Variants in RIPOR2 observed in about 807,000 individuals in gnomAD.
RIPOR2 encodes RHO family interacting cell polarization regulator 2.
A neutral mutation model predicts 114.5 loss-of-function variants in RIPOR2; 39 were observed. The ratio of observed to expected loss-of-function variants is 0.34; its 90% CI spans 0.26 to 0.44. The LOEUF is 0.44. Ranked by LOEUF, RIPOR2 falls within the 20% of genes least tolerant of loss-of-function variation. RIPOR2 has a pLI of 1.00. For synonymous variants in RIPOR2, 445 were observed against 484.4 expected (o/e 0.92, Z 1.07); for missense variants, 1,007 against 1,255.1 (o/e 0.80, Z 2.99).
At chr6:24,969,879 C>T (rs1467403402) in intron 1 of RIPOR2, among the ~76,000 whole-genome samples, 1 of 152,152 alleles carries the variant, frequency 6.6e-6, no homozygotes, top group East Asian at 1.9e-4. Context: ...CCAGATGCCG[C>T]CTCCTAAAGA....
chr6:25,017,159 G>A lies in RIPOR2; in HGVS notation c.76+24692C>T, dbSNP rs968695439. Among the ~76,000 whole-genome samples, 3 of 152,178 alleles carry A rather than the reference G, an allele frequency of 2.0e-5. No individual in the cohort carries two copies. In the South Asian group the frequency reaches 6.2e-4, roughly 32 times the overall value. On this transcript the variant is annotated intron_variant, in intron 1 of 13. Coordinates refer to the RIPOR2 transcript ENST00000510784. ...GTTCAAGACCAGCCTGGCCAACATG[G>A]TGAAACCCCATCTCTACTAAAAATA...
chr6:24,994,888 A>G (rs1032871580), intron 1 of RIPOR2, among the ~76,000 whole-genome samples: 28 of 152,304 alleles, frequency 1.8e-4, no homozygotes, highest in African/African-American at 6.7e-4. Context: ...TCTTGGATGT[A>G]TTGATTCACA....
At chr6:25,024,548 C>T in intron 1 of RIPOR2, 1 of 585,526 alleles carries the variant, frequency 1.7e-6, no homozygotes, top group Non-Finnish European at 3.1e-6. Context: ...TGCAGTGAAC[C>T]ACTCGGGCTC....
chr6:24,932,553 A>T (rs1474302985), intron 1 of RIPOR2, among the ~76,000 whole-genome samples: 1 of 152,202 alleles, frequency 6.6e-6, no homozygotes, highest in Non-Finnish European at 1.5e-5. Flanking sequence ...ACCACAAAAA[A>T]CAATTGCTGA....
At chr6:24,807,587 G>C (rs925343660) in intron 21 of RIPOR2, among the ~76,000 whole-genome samples, 2 of 152,178 alleles carry the variant, frequency 1.3e-5, no homozygotes, top group African/African-American at 2.4e-5. Flanking sequence ...CCCATTGTAA[G>C]TCAAGGAGCA....
chr6:24,952,896 G>A (rs1201575957), intron 1 of RIPOR2, among the ~76,000 whole-genome samples: 2 of 152,204 alleles, frequency 1.3e-5, no homozygotes, highest in African/African-American at 2.4e-5. Flanking sequence ...ATGTGATAAC[G>A]CAGTAGGGGA....
At chr6:24,992,636 A>T (rs530151347) in intron 1 of RIPOR2, among the ~76,000 whole-genome samples, 16 of 152,228 alleles carry the variant, frequency 1.1e-4, no homozygotes, top group Non-Finnish European at 1.9e-4. Context: ...AAATGGCCAT[A>T]CTGCCCAAAG....
At chr6:24,834,642 GA>G (rs770111273) in intron 15 of RIPOR2, among the ~76,000 whole-genome samples, 1 of 152,080 alleles carries the variant, frequency 6.6e-6, no homozygotes, top group Non-Finnish European at 1.5e-5. Flanking sequence ...GAGAGACACA[GA>G]AAGGAGTAGA....
At chr6:25,036,634 C>T (rs924951089) in intron 1 of RIPOR2, among the ~76,000 whole-genome samples, 2 of 152,122 alleles carry the variant, frequency 1.3e-5, no homozygotes, top group Non-Finnish European at 2.9e-5. Context: ...CTCGAGTGAT[C>T]CTCCCACCTC....
intron 1 of RIPOR2, among the ~76,000 whole-genome samples, chr6:25,021,400 G>A (rs1397999972): frequency 2.6e-5 from 4 of 152,248 alleles, no homozygotes; most frequent in Admixed American, 6.5e-5. Context: ...AATGCCCATC[G>A]ATCAATGAGT....
chr6:24,946,567 C>T (rs1378706951), intron 1 of RIPOR2, among the ~76,000 whole-genome samples: 5 of 151,812 alleles, frequency 3.3e-5, no homozygotes, highest in East Asian at 1.9e-4. Flanking sequence ...AGCAAGACTC[C>T]GTCTCAAAAA....
In RIPOR2 at chr6:24,927,275, TCACCACCAC is replaced by T. The variant is rs749603328; in HGVS notation, c.61+8554_61+8562del. Among the ~76,000 whole-genome samples, 7 of 2,546 alleles carry T rather than the reference TCACCACCAC, an allele frequency of 2.7e-3. 1 individual carries two copies. Among genetic ancestry groups the T allele is most frequent in the Admixed American group, 6.0e-3 (2 of 334 alleles). 1.7% of individuals were successfully genotyped at this position (2,546 alleles called of 152,430 possible). On this transcript the variant is annotated intron_variant, in intron 1 of 21. Coordinates refer to ENST00000643898, the MANE Select transcript of RIPOR2 (RefSeq NM_001286445.3). ...ACCACCACCACCACCACAGCTACAA[TCACCACCAC>T]CACCACCACCACCACCACCACAACT...
chr6:24,920,138 G>A (rs1185595324), intron 1 of RIPOR2, among the ~76,000 whole-genome samples: 2 of 152,202 alleles, frequency 1.3e-5, no homozygotes, highest in Admixed American at 6.5e-5. Flanking sequence ...GTGACTGATG[G>A]AGACAGATAA....
rs986733194 is a variant in RIPOR2, at chr6:24,858,705, G to T, written c.715+2268C>A. Reference sequence around the variant, plus strand: ...AGAAACCCCATGGAAGAAACCAAGCGTTCAGGTGGACTCTCAGGAACATCA... The same window carrying T: ...AGAAACCCCATGGAAGAAACCAAGCTTTCAGGTGGACTCTCAGGAACATCA... On this transcript the variant is annotated intron_variant, in intron 8 of 21. Coordinates refer to ENST00000643898, the MANE Select transcript of RIPOR2 (RefSeq NM_001286445.3). This position sits in a 1 kb window ranked among gnomAD's most constrained non-coding sequence, Gnocchi z 4.0. Among the ~76,000 whole-genome samples the T allele has an allele frequency of 6.6e-6, 1 of 152,148 alleles. No individual in the cohort carries two copies. Among genetic ancestry groups the T allele is most frequent in the African/African-American group, 2.4e-5 (1 of 41,438 alleles).
chr6:24,900,549 G>T (rs1312153307), intron 1 of RIPOR2, among the ~76,000 whole-genome samples: 1 of 152,082 alleles, frequency 6.6e-6, no homozygotes, highest in African/African-American at 2.4e-5. Flanking sequence ...CTTGAGCCCA[G>T]GAGTTCGAGA....
intron 1 of RIPOR2, among the ~76,000 whole-genome samples, chr6:25,038,648 G>T (rs576067013): frequency 1.5e-4 from 23 of 152,304 alleles, no homozygotes; most frequent in Non-Finnish European, 3.1e-4. Context: ...CACAACCATT[G>T]AGCTTGGAAG....
intron 1 of RIPOR2, among the ~76,000 whole-genome samples, chr6:24,950,159 A>T (rs1288668068): frequency 6.6e-6 from 1 of 152,226 alleles, no homozygotes; most frequent in African/African-American, 2.4e-5. Flanking sequence ...TTCCTGGAAG[A>T]GCACCTAGTA....
At chr6:24,916,503 C>T (rs138093034) in intron 1 of RIPOR2, among the ~76,000 whole-genome samples, 1 of 152,104 alleles carries the variant, frequency 6.6e-6, no homozygotes, top group South Asian at 2.1e-4. Flanking sequence ...ATTGACTAAA[C>T]GAGAAATGAG....
chr6:24,963,235 G>A (rs1773383459), intron 1 of RIPOR2, among the ~76,000 whole-genome samples: 1 of 152,088 alleles, frequency 6.6e-6, no homozygotes, highest in Admixed American at 6.6e-5. Flanking sequence ...GTTTCACCAT[G>A]TTGGCCAGGC....
Sources: allele counts gnomAD v4.1 joint callset (sites outside exome capture counted in the v4.1 genomes callset), GRCh38; gene constraint gnomAD v4.1.1; non-coding constraint Gnocchi (gnomAD v3.1); transcripts MANE v1.5; gene names NCBI Gene and HGNC (gene_info 2026-07-23, HGNC 2026-07-21).